Variants in TOX4 observed in about 807,000 individuals in gnomAD.
TOX4 encodes the protein TOX high mobility group box family member 4.
TOX4 carries 12 observed loss-of-function variants against 61.0 expected under a neutral mutation model. The ratio of observed to expected loss-of-function variants is 0.20; its 90% CI spans 0.13 to 0.32. TOX4 has a LOEUF of 0.32. Among genes scored for constraint, TOX4 ranks in the 10% least tolerant of loss-of-function variants. TOX4 has a pLI of 1.00. For missense variants in TOX4, 499 were observed against 753.3 expected (o/e 0.66, Z 3.95); for synonymous variants, 268 against 274.8 (o/e 0.98, Z 0.24).
At chr14:21,492,427 G>T (rs1269264153) in intron 6 of TOX4, 51 bp downstream of exon 6, 2 of 1,609,100 alleles carry the variant, frequency 1.2e-6, no homozygotes, top group South Asian at 2.2e-5. Flanking sequence ...AAGTTTTTTG[G>T]AAGTGTTTGT....
intron 2 of TOX4, among the ~76,000 whole-genome samples, chr14:21,478,258 A>G (rs781257190): frequency 5.1e-4 from 77 of 152,202 alleles, no homozygotes; most frequent in Non-Finnish European, 1.8e-4. Flanking sequence ...ACTTTGATAA[A>G]AAATTTGTGG....
chr14:21,482,167 G>C, intron 2 of TOX4, among the ~76,000 whole-genome samples: 1 of 152,150 alleles, frequency 6.6e-6, no homozygotes, highest in East Asian at 1.9e-4. Flanking sequence ...CTCTTTTTCA[G>C]GTTGGCTCTA....
chr14:21,488,553 A>T, intron 3 of TOX4, 37 bp from the exon 4 acceptor site: 1 of 1,576,056 alleles, frequency 6.3e-7, no homozygotes, highest in Admixed American at 1.8e-5. Flanking sequence ...GGTTTTTTTT[A>T]TATTTAGTGT....
chr14:21,493,783 C>T (rs960981683), intron 7 of TOX4, among the ~76,000 whole-genome samples: 3 of 151,510 alleles, frequency 2.0e-5, no homozygotes, highest in Non-Finnish European at 2.9e-5. Flanking sequence ...CGGAGTCTCG[C>T]TCTGTTGCCT....
At position 21,493,196 on chromosome 14, in the gene TOX4, A is replaced by G. The variant is rs202026272; in HGVS notation, c.1580A>G (p.His527Arg). 8.6e-5 allele frequency: 139 copies of G among 1,614,186 alleles called. No individual in the cohort carries two copies. The highest frequency in any genetic ancestry group is 1.1e-4 in the Non-Finnish European group (128 of 1,180,028). Residue 527 changes from histidine to arginine, a missense_variant, in exon 7 of 9, where the codon CAT becomes CGT. By Grantham distance (29) the His-to-Arg change is conservative. Around this residue, in one of 7 missense-constraint regions of TOX4, gnomAD observed 296 missense variants for 404.7 expected, o/e 0.73. Coordinates refer to ENST00000448790, the MANE Select transcript of TOX4 (RefSeq NM_014828.4). ...ERPMNNSPEAHTVEAPSPETI... is the reference protein window; with the variant it reads ...ERPMNNSPEARTVEAPSPETI... Reference sequence around the variant, plus strand: ...CCTATGAACAACAGCCCTGAGGCCCATACAGTGGAGGCACCTTCTCCTGAG... The same window carrying G: ...CCTATGAACAACAGCCCTGAGGCCCGTACAGTGGAGGCACCTTCTCCTGAG...
In TOX4 at chr14:21,488,023, C is replaced by A. The variant is rs143007515; in HGVS notation, c.318+330C>A. 38 of 169,660 alleles carry A rather than the reference C, an allele frequency of 2.2e-4. No individual in the cohort carries two copies. In the East Asian group the frequency reaches 4.7e-3, roughly 21 times the overall value. The allele number at this position is 169,660 out of a possible 1,614,324, so 10.5% of individuals were successfully genotyped here. ...TAGCTGGCACACGGAGGGATTTATTCAAAAATGGCCTGAATCACGTTGAGC... is the reference window on the plus strand; with the variant it reads ...TAGCTGGCACACGGAGGGATTTATTAAAAAATGGCCTGAATCACGTTGAGC... On this transcript the variant is annotated intron_variant, in intron 3 of 8. Coordinates refer to ENST00000448790, the MANE Select transcript of TOX4 (RefSeq NM_014828.4).
chr14:21,496,166 A>G (rs1891394496), intron 8 of TOX4: 1 of 158,770 alleles, frequency 6.3e-6, no homozygotes, highest in African/African-American at 2.5e-5. Flanking sequence ...AGCCAAGAAG[A>G]TCACGCCACT....
In TOX4 at chr14:21,498,831, C is replaced by T. The variant is rs772152060; in HGVS notation, c.*2225C>T. The T allele has an allele frequency of 8.8e-6, 5 of 569,536 alleles. No homozygotes were observed. The highest frequency in any genetic ancestry group is 1.9e-5 in the African/African-American group (1 of 53,218). 35.3% of individuals were successfully genotyped at this position (569,536 alleles called of 1,614,324 possible). A position where few individuals can be genotyped will look rare whatever the true frequency, so the allele number is the denominator to read the frequency against. On this transcript the variant is annotated 3_prime_UTR_variant, in exon 9 of 9. Coordinates refer to ENST00000448790, the MANE Select transcript of TOX4 (RefSeq NM_014828.4). The stretch of plus-strand genomic sequence containing the variant: ...ACCCTAGGGAGCAGTGCTTTTGGGT[C>T]CTAGAACCTGTTGAGTTTCTAATGA...
chr14:21,494,755 A>ACT (rs1891364858), intron 7 of TOX4, among the ~76,000 whole-genome samples: 1 of 110,616 alleles, frequency 9.0e-6, no homozygotes, highest in Admixed American at 1.1e-4. Flanking sequence ...GTCTCAAAAA[A>ACT]AAAAAAAAAA....
In TOX4 at chr14:21,498,932, A is replaced by C. The variant is rs1891482835; in HGVS notation, c.*2326A>C. 1.2e-6 allele frequency: 1 copy of C among 806,644 alleles called. No homozygotes were observed. The highest frequency in any genetic ancestry group is 2.1e-6 in the Non-Finnish European group (1 of 473,486). The allele number at this position is 806,644 out of a possible 1,614,324, so 50.0% of individuals were successfully genotyped here. On this transcript the variant is annotated 3_prime_UTR_variant, in exon 9 of 9. Transcript: ENST00000448790. ...TGAATCCTGTGAAGCTCATTTATGG[A>C]CTAGTGTAAAACAATGTGAAGCTCT...
At chr14:21,490,731 A>G (rs1253224572) in intron 5 of TOX4, among the ~76,000 whole-genome samples, 1 of 151,974 alleles carries the variant, frequency 6.6e-6, no homozygotes, top group Non-Finnish European at 1.5e-5. Flanking sequence ...TCTAAGTCTC[A>G]TTTTTTCCCC....
At chr14:21,488,497 G>A (rs1891227900) in intron 3 of TOX4, 93 bp from the exon 4 acceptor site, 1 of 1,208,824 alleles carries the variant, frequency 8.3e-7, no homozygotes, top group Admixed American at 2.4e-5. Context: ...TACAATTTGG[G>A]TAGGCAGGGA....
rs1264467597 is a variant in TOX4 at position 21,492,897 on chromosome 14, AGCAGCTGCTGCTGCT to A, written c.1284_1298del (p.Ala430_Ala434del). ...TCACTCGGTCAGTGTTGCAGGCAGC[AGCAGCTGCTGCTGCT>A]GCTGCTTCTATGCAACTGCCTCCAC... On this transcript the variant is annotated inframe_deletion, in exon 7 of 9. Transcript: ENST00000448790. 1 of 1,605,978 alleles carries A rather than the reference AGCAGCTGCTGCTGCT, an allele frequency of 6.2e-7. No homozygotes were observed. The highest frequency in any genetic ancestry group is 8.5e-7 in the Non-Finnish European group (1 of 1,178,048).
chr14:21,483,812 G>C (rs1891150083), intron 2 of TOX4, among the ~76,000 whole-genome samples: 1 of 151,982 alleles, frequency 6.6e-6, no homozygotes, highest in Non-Finnish European at 1.5e-5. Flanking sequence ...TTGTGTGTGT[G>C]TGTGTGCGCG....
chr14:21,479,568 A>C (rs1326373058), intron 2 of TOX4, among the ~76,000 whole-genome samples: 1 of 152,100 alleles, frequency 6.6e-6, no homozygotes, highest in Admixed American at 6.6e-5. Context: ...GAATCGCTTG[A>C]ACCTGGGAGG....
intron 8 of TOX4, 49 bp from the exon 9 acceptor site, chr14:21,496,497 A>G (rs760523680): frequency 4.6e-6 from 7 of 1,537,786 alleles, no homozygotes; most frequent in Middle Eastern, 1.7e-4. Flanking sequence ...CTGTAATTCT[A>G]TTTCAGTTTG....
At position 21,495,287 on chromosome 14, in the gene TOX4, C is replaced by G; in HGVS notation, c.1700C>G (p.Ser567Ter). The G allele has an allele frequency of 6.2e-7, 1 of 1,614,194 alleles. No homozygotes were observed. The highest frequency in any genetic ancestry group is 8.5e-7 in the Non-Finnish European group (1 of 1,180,028). ...GTGAGTGGGTCTCCTGTGGCACTCT[C>G]ACCCCAGCCTCGATGTGTGAGGTCT... is the stretch of plus-strand genomic sequence containing the variant. The part of the protein sequence containing the change: ...ELVSGSPVAL[S>*]PQPRCVRSGC... Residue 567 changes from serine (S) to a stop codon, truncating the protein, a stop_gained, in exon 8 of 9, where the codon TCA (serine) becomes TGA (stop). Transcript: ENST00000448790. LOFTEE classifies it high-confidence loss of function.
chr14:21,495,211 CTCT>C lies in TOX4; in HGVS notation c.1642-8_1642-6del, dbSNP rs760090863. On this transcript the variant is annotated splice_polypyrimidine_tract_variant and intron_variant, in intron 7 of 8. Coordinates refer to ENST00000448790, the MANE Select transcript of TOX4 (RefSeq NM_014828.4). ...GGGAGCAATCTAATCCACCTTGGTA[CTCT>C]TCTTCTTCTCACAGGTTGAGTCTCC... is the stretch of plus-strand genomic sequence containing the variant. 6.0e-5 allele frequency: 97 copies of C among 1,612,734 alleles called. No individual in the cohort carries two copies. The highest frequency in any genetic ancestry group is 9.3e-5 in the African/African-American group (7 of 75,012).
chr14:21,486,792 A>G (rs1306079732), intron 2 of TOX4, among the ~76,000 whole-genome samples: 2 of 152,194 alleles, frequency 1.3e-5, no homozygotes, highest in Admixed American at 6.5e-5. Flanking sequence ...CCTCTCTTAG[A>G]GAGAAGCTTG....
Sources: gnomAD v4.1 joint callset for allele counts (sites outside exome capture counted in the v4.1 genomes callset) on GRCh38, gnomAD v4.1.1 for gene constraint, gnomAD v4.1.1 regional missense constraint, MANE v1.5 for transcripts, NCBI Gene and HGNC (gene_info 2026-07-23, HGNC 2026-07-21) for gene names.